The following ACTR3B variants were observed in gnomAD, a reference collection of about 807,000 sequenced individuals.
ACTR3B encodes actin related protein 3B.
A neutral mutation model predicts 59.0 loss-of-function variants in ACTR3B; 8 were observed. The ratio of observed to expected loss-of-function variants is 0.14; its 90% CI spans 0.08 to 0.24. ACTR3B has a LOEUF of 0.24. Ranked by LOEUF, ACTR3B falls within the 10% of genes least tolerant of loss-of-function variation. The pLI is 1.00. For missense variants in ACTR3B, 245 were observed against 552.3 expected, an observed-to-expected ratio of 0.44 and a Z score of 5.58; for synonymous variants, 148 against 197.9, an observed-to-expected ratio of 0.75 and a Z score of 2.12.
intron 4 of ACTR3B, among the ~76,000 whole-genome samples, chr7:152,803,512 G>T (rs1270662046): frequency 1.3e-5 from 2 of 152,168 alleles, no homozygotes; most frequent in African/African-American, 4.8e-5. Flanking sequence ...TTAGGAGCAG[G>T]CACCGAGCCC....
At chr7:152,768,234 C>T (rs1297069583) in intron 1 of ACTR3B, among the ~76,000 whole-genome samples, 1 of 152,114 alleles carries the variant, frequency 6.6e-6, no homozygotes, top group African/African-American at 2.4e-5. Flanking sequence ...AAAATAAAAA[C>T]CAAAACCTGT....
At chr7:152,780,825 G>GT (rs925936612) in intron 1 of ACTR3B, among the ~76,000 whole-genome samples, 9 of 140,554 alleles carry the variant, frequency 6.4e-5, no homozygotes, top group Non-Finnish European at 9.3e-5. Context: ...CTTTTTGTTT[G>GT]TTTTTTTTAA....
intron 9 of ACTR3B, among the ~76,000 whole-genome samples, chr7:152,843,395 T>C (rs1449813334): frequency 6.6e-6 from 1 of 152,276 alleles, no homozygotes; most frequent in Non-Finnish European, 1.5e-5. Context: ...GTTCATCCTC[T>C]CACTCCATGG....
At chr7:152,852,522 G>A (rs76344809) in intron 10 of ACTR3B, among the ~76,000 whole-genome samples, 95 of 152,266 alleles carry the variant, frequency 6.2e-4, no homozygotes, top group African/African-American at 1.7e-3. Context: ...CTTTTGTGTC[G>A]TAAGAGATCA....
At chr7:152,792,890 C>G (rs2098201806) in intron 2 of ACTR3B, among the ~76,000 whole-genome samples, 1 of 152,050 alleles carries the variant, frequency 6.6e-6, no homozygotes, top group South Asian at 2.1e-4. Context: ...TTGATTTGCT[C>G]TATTCTCGGG....
chr7:152,765,583 A>G (rs969787503), intron 1 of ACTR3B, among the ~76,000 whole-genome samples: 7 of 152,024 alleles, frequency 4.6e-5, no homozygotes. Flanking sequence ...AAATTATGTA[A>G]TGCAACATTT....
intron 4 of ACTR3B, chr7:152,811,232 G>A (rs1292510620): frequency 6.7e-6 from 1 of 148,342 alleles, no homozygotes; most frequent in Non-Finnish European, 1.5e-5. Flanking sequence ...TGTATTTGCT[G>A]ATAATTTTAG....
intron 9 of ACTR3B, among the ~76,000 whole-genome samples, chr7:152,825,556 A>G (rs996511302): frequency 3.3e-5 from 5 of 152,054 alleles, no homozygotes; most frequent in Admixed American, 6.6e-5. Flanking sequence ...AGCTCAGGCA[A>G]TCCACCCGCC....
chr7:152,799,092 C>CA (rs1427951778), intron 2 of ACTR3B, among the ~76,000 whole-genome samples: 5 of 152,104 alleles, frequency 3.3e-5, no homozygotes, highest in Admixed American at 1.3e-4. Flanking sequence ...TAGTAAGTCA[C>CA]AAAGATTTTG....
At chr7:152,818,176 G>T (rs916442267) in intron 6 of ACTR3B, among the ~76,000 whole-genome samples, 8 of 152,190 alleles carry the variant, frequency 5.3e-5, no homozygotes, top group African/African-American at 1.7e-4. Context: ...GCCCCCGTAG[G>T]CCCCTGGCCT....
chr7:152,810,494 G>A (rs1795135697), intron 4 of ACTR3B, among the ~76,000 whole-genome samples: 1 of 151,008 alleles, frequency 6.6e-6, no homozygotes, highest in South Asian at 2.1e-4. Flanking sequence ...ATTCACAGGT[G>A]CAGTCATACA....
intron 1 of ACTR3B, among the ~76,000 whole-genome samples, chr7:152,773,198 T>C (rs549300181): frequency 6.7e-6 from 1 of 148,804 alleles, no homozygotes; most frequent in East Asian, 1.9e-4. Context: ...TGGCATGGAC[T>C]CAACTAAATT....
chr7:152,853,975 G>T (rs569386889), intron 11 of ACTR3B, among the ~76,000 whole-genome samples: 3 of 152,112 alleles, frequency 2.0e-5, no homozygotes, highest in Admixed American at 6.5e-5. Context: ...CCACCCCCCT[G>T]CCTTGGCCTC....
At chr7:152,852,305 CG>C (rs1798874869) in intron 10 of ACTR3B, 54 bp downstream of exon 10, 1 of 1,542,502 alleles carries the variant, frequency 6.5e-7, no homozygotes, top group Middle Eastern at 2.2e-4. Flanking sequence ...CAGGCCTGAC[CG>C]GGGCCCTCCT....
At chr7:152,790,079 A>C (rs1449340160) in intron 2 of ACTR3B, among the ~76,000 whole-genome samples, 1 of 132,980 alleles carries the variant, frequency 7.5e-6, no homozygotes, top group Non-Finnish European at 1.5e-5. Flanking sequence ...TGCAGCCTTG[A>C]CTTTCCAGGT....
At chr7:152,830,329 A>G (rs541519744) in intron 9 of ACTR3B, among the ~76,000 whole-genome samples, 46 of 152,350 alleles carry the variant, frequency 3.0e-4, no homozygotes, top group East Asian at 1.7e-3. Context: ...CAGCAATAAA[A>G]TATCTTTAGC....
rs764154405 is a variant in ACTR3B at position 152,854,645 on chromosome 7, G to A, written c.*92G>A. On this transcript the variant is annotated 3_prime_UTR_variant, in exon 12 of 12. Coordinates refer to ENST00000256001, the MANE Select transcript of ACTR3B (RefSeq NM_020445.6). The surrounding 1 kb of genome is among the most constrained non-coding windows in gnomAD (Gnocchi z 4.9). ...AGGCCGCCGTTCTGTAAATAGCGAC[G>A]TCGGTGTTGCTGCCCAGCAGCGTGC... The A allele has an allele frequency of 2.4e-5, 33 of 1,350,512 alleles. No individual in the cohort carries two copies. Among genetic ancestry groups the A allele is most frequent in the African/African-American group, 7.2e-5 (5 of 69,586 alleles). 83.7% of individuals were successfully genotyped at this position (1,350,512 alleles called of 1,614,324 possible). A position where few individuals can be genotyped will look rare whatever the true frequency, so the allele number is the denominator to read the frequency against.
chr7:152,777,624 C>G (rs7796837), intron 1 of ACTR3B, among the ~76,000 whole-genome samples: 3 of 150,974 alleles, frequency 2.0e-5, no homozygotes, highest in Non-Finnish European at 4.4e-5. Flanking sequence ...TTCACTTAAT[C>G]TCCTTAGTTA....
At chr7:152,789,997 C>CTTTTTTTTTTTTTT (rs756068314) in intron 2 of ACTR3B, among the ~76,000 whole-genome samples, 8 of 102,818 alleles carry the variant, frequency 7.8e-5, no homozygotes, top group African/African-American at 1.7e-4. Context: ...TGTACTCTTT[C>CTTTTTTTTTTTTTT]TTTTTTTTTT....
Sources: allele counts gnomAD v4.1 joint callset (sites outside exome capture counted in the v4.1 genomes callset), GRCh38; gene constraint gnomAD v4.1.1; non-coding constraint Gnocchi (gnomAD v3.1); transcripts MANE v1.5; gene names NCBI Gene and HGNC (gene_info 2026-07-23, HGNC 2026-07-21).